TEX9: variants seen among roughly 807,000 people sequenced by gnomAD.
TEX9 encodes the protein testis-expressed protein 9.
TEX9 carries 74 observed loss-of-function variants against 59.6 expected under a neutral mutation model. The observed-to-expected ratio is 1.24, with a 90% CI of 1.03 to 1.51. TEX9 has a LOEUF of 1.51. Ranked by LOEUF, TEX9 falls within the 40% of genes most tolerant of loss-of-function variation. TEX9 has a pLI of 0.00. For synonymous variants in TEX9, 186 were observed against 152.2 expected, an observed-to-expected ratio of 1.22 and a Z score of -1.64; for missense variants, 522 against 447.8, an observed-to-expected ratio of 1.17 and a Z score of -1.49.
At chr15:56,439,812 A>G (rs1294416570) in intron 12 of TEX9, among the ~76,000 whole-genome samples, 3 of 151,930 alleles carry the variant, frequency 2.0e-5, no homozygotes, top group African/African-American at 7.2e-5. Context: ...AGGAAAAAAA[A>G]AAGGAGAAAT....
chr15:56,404,063 T>C (rs574136449), intron 9 of TEX9, among the ~76,000 whole-genome samples: 1 of 152,312 alleles, frequency 6.6e-6, no homozygotes, highest in Admixed American at 6.5e-5. Context: ...ATTCAGGACA[T>C]AGGCATGGGC....
At chr15:56,431,489 G>C in intron 12 of TEX9, 1 of 1,613,564 alleles carries the variant, frequency 6.2e-7, no homozygotes, top group Non-Finnish European at 8.5e-7. Flanking sequence ...CACTCTTCTA[G>C]TTCACGTTGC....
At chr15:56,445,731 G>C (rs1291821407) in exon 13 of TEX9, 1 of 152,034 alleles carries the variant, frequency 6.6e-6, no homozygotes, top group East Asian at 1.9e-4. Flanking sequence ...ACCTAGTCAA[G>C]TCCTAGTAGT....
At position 56,270,712 on chromosome 15, in the gene TEX9, G is replaced by T. The variant is rs562843876; in HGVS notation, c.-107+26434G>T. Among the ~76,000 whole-genome samples the T allele has an allele frequency of 9.2e-5, 14 of 152,292 alleles. No individual in the cohort carries two copies. The South Asian group carries it at 2.3e-3, about 25-fold the overall frequency. On this transcript the variant is annotated intron_variant, in intron 1 of 5. Transcript: ENST00000560827. ...TTGCTTATTTTGCCCATTTCTTGAT[G>T]CAGTTTCTTCCTAGCATTGATGGTC...
chr15:56,276,546 T>C (rs1201662460), intron 1 of TEX9, among the ~76,000 whole-genome samples: 2 of 152,224 alleles, frequency 1.3e-5, no homozygotes, highest in Non-Finnish European at 2.9e-5. Context: ...CCATGGTGAA[T>C]ATGTGCCACA....
chr15:56,435,583 C>T (rs1178735244), intron 12 of TEX9, among the ~76,000 whole-genome samples: 1 of 151,934 alleles, frequency 6.6e-6, no homozygotes, highest in Non-Finnish European at 1.5e-5. Context: ...TGAAATGGAT[C>T]ACTTCCTTGA....
chr15:56,255,859 CAAA>C (rs2044133903), intron 1 of TEX9, among the ~76,000 whole-genome samples: 1 of 151,942 alleles, frequency 6.6e-6, no homozygotes, highest in Non-Finnish European at 1.5e-5. Flanking sequence ...ATTAGAATAA[CAAA>C]GAAGCTTGAT....
intron 1 of TEX9, among the ~76,000 whole-genome samples, chr15:56,327,076 A>T (rs1449565258): frequency 6.6e-6 from 1 of 152,158 alleles, no homozygotes; most frequent in African/African-American, 2.4e-5. Context: ...TAACATTTTG[A>T]TATTCTTTCA....
chr15:56,399,302 A>G (rs910808984), intron 9 of TEX9, among the ~76,000 whole-genome samples: 1 of 152,174 alleles, frequency 6.6e-6, no homozygotes, highest in African/African-American at 2.4e-5. Context: ...AGACAAGGAG[A>G]TTCTCTCCCG....
intron 9 of TEX9, among the ~76,000 whole-genome samples, chr15:56,405,916 G>A (rs1433496499): frequency 1.3e-5 from 2 of 152,006 alleles, no homozygotes; most frequent in African/African-American, 4.8e-5. Context: ...ATTGGATTTT[G>A]TTTTTCTGTT....
chr15:56,269,701 G>A (rs1448004650), intron 1 of TEX9, among the ~76,000 whole-genome samples: 2 of 145,646 alleles, frequency 1.4e-5, no homozygotes, highest in Non-Finnish European at 1.5e-5. Flanking sequence ...CTCCCAGGCT[G>A]GAGTACAGAG....
At chr15:56,399,120 G>A (rs1298127940) in intron 9 of TEX9, among the ~76,000 whole-genome samples, 1 of 152,216 alleles carries the variant, frequency 6.6e-6, no homozygotes, top group Admixed American at 6.5e-5. Context: ...GACAGTGGGT[G>A]CAGCCCACGG....
chr15:56,368,088 T>C (rs2047026939), intron 2 of TEX9, among the ~76,000 whole-genome samples: 1 of 152,214 alleles, frequency 6.6e-6, no homozygotes, highest in African/African-American at 2.4e-5. Context: ...AGAAGCCCAC[T>C]TTTAATAATC....
At chr15:56,359,431 G>A (rs2046750511) in intron 1 of TEX9, among the ~76,000 whole-genome samples, 1 of 152,024 alleles carries the variant, frequency 6.6e-6, no homozygotes, top group Non-Finnish European at 1.5e-5. Flanking sequence ...CCATTTCTAG[G>A]CACCTTAAAT....
the TEX9 span, among the ~76,000 whole-genome samples, chr15:56,453,801 T>G: frequency 6.6e-6 from 1 of 152,168 alleles, no homozygotes; most frequent in Non-Finnish European, 1.5e-5. Context: ...CAAAATCAAT[T>G]AACAGGAGTC....
intron 12 of TEX9, among the ~76,000 whole-genome samples, chr15:56,431,886 C>A (rs2050607098): frequency 6.6e-6 from 1 of 151,428 alleles, no homozygotes; most frequent in South Asian, 2.1e-4. Context: ...TCAGAAATAT[C>A]TAAAGGATAT....
intron 9 of TEX9, among the ~76,000 whole-genome samples, chr15:56,403,737 C>T (rs1247589155): frequency 2.0e-5 from 3 of 152,186 alleles, no homozygotes; most frequent in African/African-American, 7.2e-5. Flanking sequence ...AACTATACTA[C>T]AAGGCTACAG....
Position 56,412,449 on chromosome 15 carries a change from T to A in TEX9, c.963+13T>A. The A allele has an allele frequency of 1.2e-6, 2 of 1,602,456 alleles. No individual in the cohort carries two copies. The highest frequency in any genetic ancestry group is 1.7e-6 in the Non-Finnish European group (2 of 1,176,986). Reference sequence around the variant, plus strand: ...GCAAAATAACAAGGTATGGAAAAATTGAATAGCTTTTGTAGTGATCCCTTT... The same window carrying A: ...GCAAAATAACAAGGTATGGAAAAATAGAATAGCTTTTGTAGTGATCCCTTT... On this transcript the variant is annotated intron_variant, in intron 10 of 12. Transcript: ENST00000352903.
chr15:56,342,940 G>T (rs1327534042), intron 1 of TEX9, among the ~76,000 whole-genome samples: 2 of 152,188 alleles, frequency 1.3e-5, no homozygotes, highest in Non-Finnish European at 2.9e-5. Flanking sequence ...TCTCCAGAGA[G>T]ATGATTTTAA....
Sources: gnomAD v4.1 joint callset for allele counts (sites outside exome capture counted in the v4.1 genomes callset) on GRCh38, gnomAD v4.1.1 for gene constraint, MANE v1.5 for transcripts, NCBI Gene and HGNC (gene_info 2026-07-23, HGNC 2026-07-21) for gene names.